Variants in PDGFRL observed in about 807,000 individuals in gnomAD.
The protein encoded by PDGFRL is platelet derived growth factor receptor like.
A neutral mutation model predicts 37.2 loss-of-function variants in PDGFRL; 46 were observed. The ratio of observed to expected loss-of-function variants is 1.24; its 90% CI spans 0.98 to 1.58. The LOEUF (loss-of-function observed/expected upper bound fraction) is 1.58, where lower values mean the gene tolerates loss of function less well. Among genes scored for constraint, PDGFRL ranks in the 40% most tolerant of loss-of-function variants. PDGFRL has a pLI of 0.00. For synonymous variants in PDGFRL, 251 were observed against 184.3 expected (o/e 1.36, Z -2.93); for missense variants, 692 against 467.6 (o/e 1.48, Z -4.43).
At chr8:17,589,904 C>A in intron 2 of PDGFRL, 139 bp downstream of exon 2, 3 of 611,148 alleles carry the variant, frequency 4.9e-6, no homozygotes, top group South Asian at 2.2e-5. Context: ...GCTCAAAGGG[C>A]AAAAGTCACA....
intron 2 of PDGFRL, among the ~76,000 whole-genome samples, chr8:17,590,253 A>G (rs796485682): frequency 6.9e-6 from 1 of 144,540 alleles, no homozygotes; most frequent in African/African-American, 2.6e-5. Context: ...AAAAAAAAAA[A>G]AAATTGCAAA....
rs1431753265 is a variant in PDGFRL at position 17,628,677 on chromosome 8, G to GT, written c.697dup (p.Tyr233LeufsTer83). On this transcript the variant is annotated frameshift_variant, in exon 4 of 6. Coordinates refer to ENST00000251630, the MANE Select transcript of PDGFRL (RefSeq NM_001372073.1). LOFTEE classifies it high-confidence loss of function. ...TTTATGACATGAAGCGGGGCTTTGTGTATCTGCAACCTCATTCCGAGCACC... is the reference window on the plus strand; with the variant it reads ...TTTATGACATGAAGCGGGGCTTTGTGTTATCTGCAACCTCATTCCGAGCACC... 6.2e-7 allele frequency: 1 copy of GT among 1,614,128 alleles called. No homozygotes were observed. Among genetic ancestry groups the GT allele is most frequent in the Admixed American group, 1.7e-5 (1 of 60,028 alleles).
intron 5 of PDGFRL, among the ~76,000 whole-genome samples, chr8:17,638,991 T>C (rs1001168366): frequency 7.9e-5 from 12 of 151,554 alleles, no homozygotes; most frequent in South Asian, 2.1e-4. Flanking sequence ...GGAGGTTGCA[T>C]TGAGCCAAGA....
chr8:17,634,858 T>TA (rs1402365332), intron 5 of PDGFRL, among the ~76,000 whole-genome samples: 1 of 152,148 alleles, frequency 6.6e-6, no homozygotes, highest in South Asian at 2.1e-4. Context: ...GCAAAATAAC[T>TA]AATGGGTACT....
At chr8:17,629,558 T>A (rs546654565) in intron 4 of PDGFRL, among the ~76,000 whole-genome samples, 1 of 152,274 alleles carries the variant, frequency 6.6e-6, no homozygotes, top group East Asian at 1.9e-4. Context: ...CCTCTGCTCT[T>A]TGGGGGCTCT....
intron 2 of PDGFRL, among the ~76,000 whole-genome samples, chr8:17,612,141 A>G (rs1804430199): frequency 6.6e-6 from 1 of 152,154 alleles, no homozygotes; most frequent in Non-Finnish European, 1.5e-5. Flanking sequence ...CAGTAGTTTT[A>G]GGCCTCTAAA....
chr8:17,622,571 G>C (rs1358693439), intron 3 of PDGFRL, among the ~76,000 whole-genome samples: 2 of 152,182 alleles, frequency 1.3e-5, no homozygotes, highest in Non-Finnish European at 2.9e-5. Context: ...TGCAGTTCTG[G>C]AAGCACATGT....
chr8:17,638,673 G>A lies in PDGFRL; in HGVS notation c.940-3940G>A, dbSNP rs1189971496. 7.7e-5 allele frequency among the ~76,000 whole-genome samples: 11 copies of A among 142,766 alleles called. No homozygotes were observed. The Admixed American group carries it at 8.1e-4, about 11-fold the overall frequency. 93.7% of individuals were successfully genotyped at this position (142,766 alleles called of 152,430 possible). On this transcript the variant is annotated intron_variant, in intron 5 of 5. Transcript: ENST00000251630. Reference sequence around the variant, plus strand: ...AGTTCCCCACTATTACTGTGTTGCAGTCTATCTCATTTCTTAGGTGTAACA... The same window carrying A: ...AGTTCCCCACTATTACTGTGTTGCAATCTATCTCATTTCTTAGGTGTAACA...
At chr8:17,639,068 A>G (rs1277816865) in intron 5 of PDGFRL, among the ~76,000 whole-genome samples, 2 of 151,916 alleles carry the variant, frequency 1.3e-5, no homozygotes, top group Admixed American at 6.6e-5. Flanking sequence ...AAAACAAACA[A>G]AAAGAATAGC....
intron 5 of PDGFRL, among the ~76,000 whole-genome samples, chr8:17,635,281 A>C (rs952184461): frequency 2.0e-5 from 3 of 151,410 alleles, no homozygotes; most frequent in East Asian, 3.9e-4. Flanking sequence ...TTTATCTCTC[A>C]CCCCTCCCCC....
intron 2 of PDGFRL, among the ~76,000 whole-genome samples, chr8:17,615,389 CTTCAT>C (rs1333339888): frequency 3.9e-5 from 6 of 152,080 alleles, no homozygotes; most frequent in African/African-American, 7.2e-5. Context: ...GTCAAAATTG[CTTCAT>C]TTCATTTCAT....
intron 2 of PDGFRL, among the ~76,000 whole-genome samples, chr8:17,619,948 C>T (rs967655208): frequency 1.3e-5 from 2 of 152,170 alleles, no homozygotes; most frequent in Non-Finnish European, 2.9e-5. Flanking sequence ...CCCCCACACA[C>T]CCATTTATCA....
intron 2 of PDGFRL, among the ~76,000 whole-genome samples, chr8:17,598,875 T>G (rs1379607425): frequency 6.6e-6 from 1 of 152,208 alleles, no homozygotes; most frequent in Admixed American, 6.5e-5. Flanking sequence ...TTGGTGCTCA[T>G]TCTCTCTTGC....
At chr8:17,611,414 T>G (rs913227134) in intron 2 of PDGFRL, among the ~76,000 whole-genome samples, 1 of 152,222 alleles carries the variant, frequency 6.6e-6, no homozygotes, top group African/African-American at 2.4e-5. Context: ...AGGCAGGATT[T>G]GAACCAAGGA....
chr8:17,628,804 G>C (rs1563527568), intron 4 of PDGFRL, 24 bp downstream of exon 4: 11 of 1,570,212 alleles, frequency 7.0e-6, no homozygotes, highest in South Asian at 1.1e-5. Context: ...CCCCTGCCTA[G>C]ATTCTAGTTA....
rs551817498 is a variant in PDGFRL, at chr8:17,608,797, C to A, written c.354-12254C>A. 2.0e-5 allele frequency among the ~76,000 whole-genome samples: 3 copies of A among 152,168 alleles called. No homozygotes were observed. The East Asian group carries it at 5.8e-4, about 29-fold the overall frequency. On this transcript the variant is annotated intron_variant, in intron 2 of 5. Coordinates refer to ENST00000251630, the MANE Select transcript of PDGFRL (RefSeq NM_001372073.1). ...TGTGTGGTCAAGTGTGAGTGTGGAG[C>A]GGCTGATAGGAAGGAGAGAAGGCAG...
In PDGFRL at chr8:17,589,663, T is replaced by A. The variant is rs1447409434; in HGVS notation, c.251T>A (p.Leu84Gln). The part of the protein sequence containing the change: ...KGRFQKPAAT[L>Q]SLLAGQTVEL... ...CGCTTCCAGAAACCCGCCGCTACCC[T>A]GAGTCTGCTGGCGGGGCAAACTGTA... The change falls in exon 2 of 6, where the codon CTG becomes CAG. Residue 84 changes from leucine (L) to glutamine (Q), a missense_variant. Coordinates refer to ENST00000251630, the MANE Select transcript of PDGFRL (RefSeq NM_001372073.1). The A allele has an allele frequency of 6.2e-7, 1 of 1,613,354 alleles. No homozygotes were observed. The highest frequency in any genetic ancestry group is 8.5e-7 in the Non-Finnish European group (1 of 1,179,294).
At position 17,628,799 on chromosome 8, in the gene PDGFRL, G is replaced by T; in HGVS notation, c.799+19G>T. On this transcript the variant is annotated intron_variant, in intron 4 of 5. Coordinates refer to ENST00000251630, the MANE Select transcript of PDGFRL (RefSeq NM_001372073.1). ...GTGGCGGGTAAGCCTGGCCACCCCTGCCTAGATTCTAGTTAGTCCCCTGGT... is the reference window on the plus strand; with the variant it reads ...GTGGCGGGTAAGCCTGGCCACCCCTTCCTAGATTCTAGTTAGTCCCCTGGT... 1 of 1,588,190 alleles carries T rather than the reference G, an allele frequency of 6.3e-7. No individual in the cohort carries two copies. The highest frequency in any genetic ancestry group is 8.6e-7 in the Non-Finnish European group (1 of 1,157,348).
chr8:17,586,694 C>A (rs939608607), intron 1 of PDGFRL, among the ~76,000 whole-genome samples: 3 of 152,176 alleles, frequency 2.0e-5, no homozygotes, highest in Non-Finnish European at 4.4e-5. Flanking sequence ...AGGTCAGATG[C>A]TAATTTCAGC....
Sources: gnomAD v4.1 joint callset for allele counts (sites outside exome capture counted in the v4.1 genomes callset) on GRCh38, gnomAD v4.1.1 for gene constraint, MANE v1.5 for transcripts, NCBI Gene and HGNC (gene_info 2026-07-23, HGNC 2026-07-21) for gene names.